ABCG2: variants seen among roughly 807,000 people sequenced by gnomAD.
ABCG2 encodes the protein broad substrate specificity ATP-binding cassette transporter ABCG2.
Under a neutral mutation model 73.5 loss-of-function variants are expected in ABCG2, and 80 were observed. The ratio of observed to expected loss-of-function variants is 1.09; its 90% confidence interval spans 0.91 to 1.31. ABCG2 has a LOEUF of 1.31. ABCG2 is among the 50% of genes most tolerant of loss of function. The pLI is 0.00. For synonymous variants in ABCG2, 269 were observed against 282.4 expected, an observed-to-expected ratio of 0.95 and a Z score of 0.48; for missense variants, 796 against 786.2, an observed-to-expected ratio of 1.01 and a Z score of -0.15.
chr4:88,159,847 C>A (rs1043060132), upstream of ABCG2, among the ~76,000 whole-genome samples: 3 of 152,116 alleles, frequency 2.0e-5, no homozygotes, highest in Non-Finnish European at 4.4e-5. Context: ...ATTCATGATG[C>A]GCCCAAACAT....
At chr4:88,212,260 A>C (rs1729633918) in intron 1 of ABCG2, among the ~76,000 whole-genome samples, 1 of 152,172 alleles carries the variant, frequency 6.6e-6, no homozygotes, top group South Asian at 2.1e-4. Context: ...CTTTCCCCAG[A>C]AGATCTCAGC....
intron 3 of ABCG2, among the ~76,000 whole-genome samples, chr4:88,132,127 A>C (rs758599050): frequency 1.2e-4 from 19 of 152,168 alleles, no homozygotes; most frequent in Non-Finnish European, 2.2e-4. Context: ...TTCATTGTAC[A>C]TTACAATAAA....
At chr4:88,219,620 C>T (rs1411927074) in intron 1 of ABCG2, among the ~76,000 whole-genome samples, 2 of 111,186 alleles carry the variant, frequency 1.8e-5, no homozygotes, top group East Asian at 6.0e-4. Context: ...CTTGCTCTGT[C>T]ACCCAGGCTG....
chr4:88,176,154 C>CTCGG (rs1335004081), intron 1 of ABCG2, among the ~76,000 whole-genome samples: 4 of 125,862 alleles, frequency 3.2e-5, no homozygotes, highest in African/African-American at 1.1e-4. Flanking sequence ...TATGATTATT[C>CTCGG]TTGTTTTTTT....
At chr4:88,180,963 A>G (rs1728209546) in intron 1 of ABCG2, among the ~76,000 whole-genome samples, 1 of 152,220 alleles carries the variant, frequency 6.6e-6, no homozygotes, top group South Asian at 2.1e-4. Flanking sequence ...ACAACTTTTC[A>G]AGACATAAAA....
At chr4:88,098,115 C>T (rs939706190) in intron 12 of ABCG2, among the ~76,000 whole-genome samples, 8 of 152,208 alleles carry the variant, frequency 5.3e-5, no homozygotes, top group East Asian at 1.9e-4. Flanking sequence ...GACTAAATTA[C>T]GTTTCATAAA....
intron 12 of ABCG2, 82 bp from the exon 13 acceptor site, chr4:88,097,689 A>G (rs1722082113): frequency 1.4e-6 from 2 of 1,428,410 alleles, no homozygotes; most frequent in East Asian, 2.4e-5. Context: ...CAAATTTAAC[A>G]CTAATATTTT....
intron 1 of ABCG2, among the ~76,000 whole-genome samples, chr4:88,143,806 AAC>A (rs1491534867): frequency 7.7e-5 from 11 of 142,148 alleles, no homozygotes; most frequent in African/African-American, 2.0e-4. Context: ...AAGGAAAAAA[AAC>A]AAACTTTAAT....
intron 1 of ABCG2, among the ~76,000 whole-genome samples, chr4:88,227,624 A>G (rs985535469): frequency 6.6e-6 from 1 of 152,124 alleles, no homozygotes; most frequent in Admixed American, 6.5e-5. Flanking sequence ...GTTGGAGCCC[A>G]AGGATTTGCG....
At chr4:88,209,422 C>T (rs1039045899) in intron 1 of ABCG2, among the ~76,000 whole-genome samples, 2 of 151,734 alleles carry the variant, frequency 1.3e-5, no homozygotes, top group African/African-American at 4.8e-5. Context: ...CCAGCACTTT[C>T]AGAGGCTGAG....
chr4:88,200,342 C>A (rs997906641), intron 1 of ABCG2, among the ~76,000 whole-genome samples: 1 of 151,912 alleles, frequency 6.6e-6, no homozygotes, highest in South Asian at 2.1e-4. Flanking sequence ...AACAAACAAA[C>A]AAAAAAATTG....
At chr4:88,201,893 C>T (rs1218624351) in intron 1 of ABCG2, 1 of 152,172 alleles carries the variant, frequency 6.6e-6, no homozygotes, top group Non-Finnish European at 1.5e-5. Flanking sequence ...TCAAGATCCA[C>T]AAGTCATTCA....
intron 10 of ABCG2, among the ~76,000 whole-genome samples, chr4:88,106,795 C>G (rs992400720): frequency 6.6e-6 from 1 of 152,192 alleles, no homozygotes; most frequent in Non-Finnish European, 1.5e-5. Context: ...AATCCCAGCA[C>G]TTTGGGAGGC....
intron 9 of ABCG2, among the ~76,000 whole-genome samples, chr4:88,110,824 A>T (rs59525934): frequency 0.12 from 16,649 of 139,528 alleles, 1,497 homozygotes; most frequent in African/African-American, 0.25. Flanking sequence ...AAAAAAAAAA[A>T]ATATATATTG....
At chr4:88,192,543 C>T (rs1728731808) in intron 1 of ABCG2, among the ~76,000 whole-genome samples, 1 of 151,716 alleles carries the variant, frequency 6.6e-6, no homozygotes, top group Non-Finnish European at 1.5e-5. Context: ...CCTCAGCCTC[C>T]CGAGTAGCTG....
At chr4:88,220,666 A>C (rs1372639053) in intron 1 of ABCG2, 3 of 152,414 alleles carry the variant, frequency 2.0e-5, no homozygotes, top group Non-Finnish European at 2.9e-5. Flanking sequence ...TGGTTTGGCT[A>C]TGTCCCTACC....
intron 1 of ABCG2, among the ~76,000 whole-genome samples, chr4:88,146,690 G>T (rs1038864832): frequency 3.9e-5 from 6 of 152,132 alleles, no homozygotes; most frequent in Admixed American, 6.6e-5. Flanking sequence ...CACCGTGCTT[G>T]GCTAAAACCT....
chr4:88,182,131 T>C (rs1169483583), intron 1 of ABCG2, among the ~76,000 whole-genome samples: 2 of 152,040 alleles, frequency 1.3e-5, no homozygotes, highest in Non-Finnish European at 2.9e-5. Flanking sequence ...TGTAGCTATA[T>C]ATATGTAAGA....
chr4:88,186,876 G>A (rs1269576012), intron 1 of ABCG2, among the ~76,000 whole-genome samples: 44 of 134,222 alleles, frequency 3.3e-4, no homozygotes, highest in Non-Finnish European at 5.6e-4. Context: ...CCGAGATCCC[G>A]CCACTGCACT....
Sources: gnomAD v4.1 joint callset for allele counts (sites outside exome capture counted in the v4.1 genomes callset) on GRCh38, gnomAD v4.1.1 for gene constraint, MANE v1.5 for transcripts, NCBI Gene and HGNC (gene_info 2026-07-23, HGNC 2026-07-21) for gene names.